ACTN4: variants seen among roughly 807,000 people sequenced by gnomAD.
The protein encoded by ACTN4 is alpha-actinin-4.
ACTN4 carries 18 observed loss-of-function variants against 114.2 expected under a neutral mutation model. That is an observed-to-expected ratio of 0.16 (90% CI 0.11 to 0.23). The LOEUF is 0.23. ACTN4 is among the 10% of genes least tolerant of loss of function. ACTN4 has a pLI of 1.00. For synonymous variants in ACTN4, 515 were observed against 506.3 expected, an observed-to-expected ratio of 1.02 and a Z score of -0.23; for missense variants, 722 against 1,262.9, an observed-to-expected ratio of 0.57 and a Z score of 6.49.
intron 1 of ACTN4, among the ~76,000 whole-genome samples, chr19:38,684,390 C>T (rs950093922): frequency 7.9e-5 from 12 of 152,174 alleles, no homozygotes; most frequent in African/African-American, 2.9e-4. Flanking sequence ...CTAGGCCTTT[C>T]CTAGAAAACT....
intron 1 of ACTN4, among the ~76,000 whole-genome samples, chr19:38,679,595 G>GTGTGTGTGTT (rs1967490965): frequency 6.6e-6 from 1 of 151,058 alleles, no homozygotes; most frequent in South Asian, 2.1e-4. Context: ...GTGTGTGTGT[G>GTGTGTGTGTT]TGTGTATTTT....
intron 1 of ACTN4, among the ~76,000 whole-genome samples, chr19:38,674,824 A>T (rs1967323819): frequency 6.6e-6 from 1 of 152,198 alleles, no homozygotes; most frequent in African/African-American, 2.4e-5. Flanking sequence ...ATTCAGGCAT[A>T]TGGTGACATC....
chr19:38,657,106 G>T (rs1434197060), intron 1 of ACTN4, among the ~76,000 whole-genome samples: 1 of 151,550 alleles, frequency 6.6e-6, no homozygotes, highest in African/African-American at 2.4e-5. Flanking sequence ...CTCCCTAGTA[G>T]CTGGGATTAT....
chr19:38,685,251 C>T (rs1274541193), intron 1 of ACTN4, among the ~76,000 whole-genome samples: 10 of 152,138 alleles, frequency 6.6e-5, no homozygotes, highest in Admixed American at 6.6e-4. Flanking sequence ...GCCAACCCAC[C>T]CAAATTGTGT....
intron 8 of ACTN4, among the ~76,000 whole-genome samples, chr19:38,712,727 C>G (rs1340122342): frequency 6.6e-6 from 1 of 152,172 alleles, no homozygotes; most frequent in African/African-American, 2.4e-5. Flanking sequence ...CCCCAACTAA[C>G]AGCATGTTTG....
rs1328569780 is a variant in ACTN4 at position 38,727,869 on chromosome 19, C to T, written c.2338-77C>T. The T allele has an allele frequency of 2.8e-6, 4 of 1,406,032 alleles. No homozygotes were observed. Among genetic ancestry groups the T allele is most frequent in the Admixed American group, 3.6e-5 (2 of 55,970 alleles). 87.1% of individuals were successfully genotyped at this position (1,406,032 alleles called of 1,614,324 possible). On this transcript the variant is annotated intron_variant, in intron 18 of 20. Coordinates refer to ENST00000252699, the MANE Select transcript of ACTN4 (RefSeq NM_004924.6). This position sits in a 1 kb window ranked among gnomAD's most constrained non-coding sequence, Gnocchi z 5.4. ...CCTACGTGTCCCTTCCCCCTGCCCT[C>T]TGCATGTGACCCCGATCCCTCATCC...
Position 38,714,537 on chromosome 19 carries a change from G to A in ACTN4, c.888G>A (p.Glu296=). 2 of 1,613,986 alleles carry A rather than the reference G, an allele frequency of 1.2e-6. No homozygotes were observed. Among genetic ancestry groups the A allele is most frequent in the Non-Finnish European group, 1.7e-6 (2 of 1,180,028 alleles). Residue 296 remains glutamate (E), a synonymous_variant, in exon 9 of 21, where the codon GAG becomes GAA. Transcript: ENST00000252699. ...ACCAAGAGAACGAGCACCTGATGGA[G>A]GACTACGAGAAGCTGGCCAGCGACG... ...AVNQENEHLM[E]DYEKLASDLL...
At position 38,721,647 on chromosome 19, in the gene ACTN4, G is replaced by A. The variant is rs778826199; in HGVS notation, c.1401G>A (p.Gln467=). The change falls in exon 12 of 21, where the codon CAG becomes CAA. Residue 467 remains glutamine, a synonymous_variant. Coordinates refer to ENST00000252699, the MANE Select transcript of ACTN4 (RefSeq NM_004924.6). ...EAFESDLAAH[Q]DRVEQIAAIA... Reference sequence around the variant, plus strand: ...TCGAGAGCGACCTGGCTGCGCACCAGGACCGCGTGGAGCAGATCGCCGCCA... The same window carrying A: ...TCGAGAGCGACCTGGCTGCGCACCAAGACCGCGTGGAGCAGATCGCCGCCA... 5.0e-6 allele frequency: 8 copies of A among 1,613,936 alleles called. No individual in the cohort carries two copies. Among genetic ancestry groups the A allele is most frequent in the Non-Finnish European group, 5.9e-6 (7 of 1,180,022 alleles).
intron 11 of ACTN4, among the ~76,000 whole-genome samples, chr19:38,719,041 C>T (rs554163349): frequency 4.8e-4 from 73 of 152,360 alleles, no homozygotes; most frequent in African/African-American, 1.5e-3. Context: ...GCCTGGCTCC[C>T]CCTGCAGGAG....
At chr19:38,658,688 C>T (rs1976781981) in intron 1 of ACTN4, among the ~76,000 whole-genome samples, 1 of 152,184 alleles carries the variant, frequency 6.6e-6, no homozygotes, top group Admixed American at 6.5e-5. Flanking sequence ...TCTGGAAGAG[C>T]CAACTTGCCA....
rs1209626769 is a variant in ACTN4 at position 38,727,198 on chromosome 19, C to T, written c.2337+95C>T. On this transcript the variant is annotated intron_variant, in intron 18 of 20. Coordinates refer to ENST00000252699, the MANE Select transcript of ACTN4 (RefSeq NM_004924.6). This position sits in a 1 kb window ranked among gnomAD's most constrained non-coding sequence, Gnocchi z 5.4. ...TGCATCTGTTCGTCCATTCCCATCACAGTTGCTGAGCGTCGGCCGCCACTC... is the reference window on the plus strand; with the variant it reads ...TGCATCTGTTCGTCCATTCCCATCATAGTTGCTGAGCGTCGGCCGCCACTC... The T allele has an allele frequency of 6.3e-7, 1 of 1,578,664 alleles. No individual in the cohort carries two copies. The highest frequency in any genetic ancestry group is 8.6e-7 in the Non-Finnish European group (1 of 1,159,600).
chr19:38,674,771 G>C (rs773713373), intron 1 of ACTN4, among the ~76,000 whole-genome samples: 1 of 152,050 alleles, frequency 6.6e-6, no homozygotes, highest in Admixed American at 6.6e-5. Context: ...CTCTGACTTC[G>C]TGTCCCTGGT....
At position 38,679,324 on chromosome 19, in the gene ACTN4, G is replaced by A. The variant is rs113361300; in HGVS notation, c.163-21276G>A. ...TACCATGGTGTACCATGCACCTCCA[G>A]TGTGCCCGGCACTGTGTCAGGAGCT... On this transcript the variant is annotated intron_variant, in intron 1 of 20. Coordinates refer to ENST00000252699, the MANE Select transcript of ACTN4 (RefSeq NM_004924.6). 4.6e-3 allele frequency among the ~76,000 whole-genome samples: 700 copies of A among 152,152 alleles called. 1 individual carries two copies. Among genetic ancestry groups the A allele is most frequent in the African/African-American group, 0.016 (683 of 41,418 alleles).
At chr19:38,710,156 C>T (rs1014180207) in intron 7 of ACTN4, 101 bp from the exon 8 acceptor site, 4 of 1,249,364 alleles carry the variant, frequency 3.2e-6, no homozygotes, top group Non-Finnish European at 4.7e-6. Flanking sequence ...GCAGGTCCCT[C>T]TCCCCCAAGG....
intron 1 of ACTN4, among the ~76,000 whole-genome samples, chr19:38,664,515 A>AG (rs1966897535): frequency 6.6e-6 from 1 of 152,172 alleles, no homozygotes; most frequent in Non-Finnish European, 1.5e-5. Context: ...CAAGTAAGGT[A>AG]GGGGCAGAAA....
chr19:38,691,652 C>T (rs1336975266), intron 1 of ACTN4, among the ~76,000 whole-genome samples: 1 of 152,106 alleles, frequency 6.6e-6, no homozygotes, highest in Non-Finnish European at 1.5e-5. Context: ...CCTGTAATCC[C>T]AGCACTTTGG....
intron 12 of ACTN4, among the ~76,000 whole-genome samples, chr19:38,723,235 C>T (rs913830761): frequency 6.6e-6 from 1 of 152,158 alleles, no homozygotes; most frequent in Admixed American, 6.5e-5. Flanking sequence ...CTCGCCTGCT[C>T]CCCATGTCCT....
At chr19:38,666,850 G>C (rs1257650356) in intron 1 of ACTN4, among the ~76,000 whole-genome samples, 1 of 152,144 alleles carries the variant, frequency 6.6e-6, no homozygotes, top group Admixed American at 6.5e-5. Flanking sequence ...CTCGGTGCTG[G>C]GGAGCTCTGG....
chr19:38,700,234 C>T (rs1014864382), intron 1 of ACTN4, among the ~76,000 whole-genome samples: 1 of 152,102 alleles, frequency 6.6e-6, no homozygotes, highest in Admixed American at 6.6e-5. Context: ...GAGCCGGCGG[C>T]GGGCTGAGGC....
Sources: gnomAD v4.1 joint callset for allele counts (sites outside exome capture counted in the v4.1 genomes callset) on GRCh38, gnomAD v4.1.1 for gene constraint, Gnocchi (gnomAD v3.1) non-coding constraint, MANE v1.5 for transcripts, NCBI Gene and HGNC (gene_info 2026-07-23, HGNC 2026-07-21) for gene names.